The following A1CF variants were observed in gnomAD, a reference collection of about 807,000 sequenced individuals.
A1CF encodes the protein APOBEC1 complementation factor.
In A1CF, 48 loss-of-function variants were observed where a neutral mutation model predicts 68.9. That is an observed-to-expected ratio of 0.70 (90% confidence interval 0.55 to 0.89). A1CF has a LOEUF of 0.89. A1CF is among the 40% of genes least tolerant of loss of function. A1CF has a pLI of 0.00. For missense variants in A1CF, 653 were observed against 718.9 expected, an observed-to-expected ratio of 0.91 and a Z score of 1.05; for synonymous variants, 272 against 260.4, an observed-to-expected ratio of 1.04 and a Z score of -0.43.
At chr10:50,842,271 A>G (rs2132454089) in intron 4 of A1CF, among the ~76,000 whole-genome samples, 1 of 152,352 alleles carries the variant, frequency 6.6e-6, no homozygotes, top group South Asian at 2.1e-4. Context: ...TGGTAGGGCA[A>G]ATGACCTTTT....
intron 11 of A1CF, 106 bp downstream of exon 11, chr10:50,810,934 G>T (rs1309107491): frequency 2.4e-6 from 3 of 1,238,020 alleles, no homozygotes; most frequent in Non-Finnish European, 3.2e-6. Context: ...AATGACAAAT[G>T]AGTAGGTAGT....
chr10:50,853,280 T>C (rs1241201560), intron 3 of A1CF, among the ~76,000 whole-genome samples: 1 of 152,170 alleles, frequency 6.6e-6, no homozygotes, highest in Admixed American at 6.6e-5. Flanking sequence ...CTGCACTGTA[T>C]AAATATTTTG....
At chr10:50,838,609 T>C (rs933921443) in intron 5 of A1CF, among the ~76,000 whole-genome samples, 2 of 152,176 alleles carry the variant, frequency 1.3e-5, no homozygotes, top group African/African-American at 4.8e-5. Flanking sequence ...GGCCACAACT[T>C]TAATGTCTCT....
chr10:50,850,958 G>C (rs914664902), intron 3 of A1CF, among the ~76,000 whole-genome samples: 1 of 152,052 alleles, frequency 6.6e-6, no homozygotes, highest in Non-Finnish European at 1.5e-5. Context: ...TATTATGGCC[G>C]CTAGATCTGA....
At chr10:50,882,198 G>A (rs1169325576) in intron 1 of A1CF, among the ~76,000 whole-genome samples, 1 of 152,190 alleles carries the variant, frequency 6.6e-6, no homozygotes, top group Non-Finnish European at 1.5e-5. Context: ...AGCACTTTGG[G>A]AGGCTGAGGC....
intron 10 of A1CF, among the ~76,000 whole-genome samples, chr10:50,811,743 CTTTT>C (rs1257957389): frequency 6.6e-6 from 1 of 152,026 alleles, no homozygotes; most frequent in Non-Finnish European, 1.5e-5. Context: ...CTATTTCTGC[CTTTT>C]TTGTTTGTTT....
intron 12 of A1CF, 121 bp from the exon 13 acceptor site, chr10:50,807,001 A>C: frequency 9.8e-7 from 1 of 1,022,424 alleles, no homozygotes. Context: ...AAGTTAATAT[A>C]TATGTTTTAA....
intron 3 of A1CF, among the ~76,000 whole-genome samples, chr10:50,844,709 A>T (rs1839922469): frequency 6.6e-6 from 1 of 152,210 alleles, no homozygotes; most frequent in African/African-American, 2.4e-5. Flanking sequence ...TTGTGGAAAA[A>T]ACACAGTGAC....
intron 5 of A1CF, among the ~76,000 whole-genome samples, chr10:50,836,584 C>A (rs1355023564): frequency 1.3e-5 from 2 of 151,936 alleles, no homozygotes; most frequent in African/African-American, 2.4e-5. Flanking sequence ...TACATGTGCA[C>A]AACATGCAGG....
At chr10:50,842,465 G>T (rs957891057) in intron 4 of A1CF, among the ~76,000 whole-genome samples, 1 of 152,184 alleles carries the variant, frequency 6.6e-6, no homozygotes, top group Non-Finnish European at 1.5e-5. Context: ...ACAAAAATTA[G>T]CTGAGCGTGG....
intron 3 of A1CF, among the ~76,000 whole-genome samples, chr10:50,855,088 A>G (rs549547809): frequency 6.6e-6 from 1 of 151,948 alleles, no homozygotes; most frequent in Non-Finnish European, 1.5e-5. Flanking sequence ...GTGGAAGTGT[A>G]TATTTTTCTG....
intron 3 of A1CF, among the ~76,000 whole-genome samples, chr10:50,856,775 G>GTTA (rs923214647): frequency 1.3e-4 from 19 of 151,860 alleles, no homozygotes; most frequent in Non-Finnish European, 2.7e-4. Flanking sequence ...AATATTTTTT[G>GTTA]TTATTATTAT....
At chr10:50,823,337 G>A (rs1838764443) in intron 7 of A1CF, among the ~76,000 whole-genome samples, 1 of 152,126 alleles carries the variant, frequency 6.6e-6, no homozygotes, top group Non-Finnish European at 1.5e-5. Context: ...ATTTGGCAGA[G>A]GGTGAGTCCA....
In A1CF at chr10:50,802,790, A is replaced by G. The variant is rs1420517446; in HGVS notation, c.*3939T>C. 6.6e-6 allele frequency: 1 copy of G among 152,204 alleles called. No homozygotes were observed. Among genetic ancestry groups the G allele is most frequent in the Admixed American group, 6.5e-5 (1 of 15,276 alleles). 9.4% of individuals were successfully genotyped at this position (152,204 alleles called of 1,614,324 possible). A position where few individuals can be genotyped will look rare whatever the true frequency, so the allele number is the denominator to read the frequency against. The stretch of plus-strand genomic sequence containing the variant: ...GATTGCCCTTTATTCTACAAATGGC[A>G]CACCTAAGAACCTCCCTGTCTATGT... On this transcript the variant is annotated 3_prime_UTR_variant, in exon 13 of 13. Coordinates refer to ENST00000373997, the MANE Select transcript of A1CF (RefSeq NM_014576.4).
chr10:50,878,046 C>T (rs542775882), intron 1 of A1CF, among the ~76,000 whole-genome samples: 5 of 152,196 alleles, frequency 3.3e-5, no homozygotes, highest in Middle Eastern at 3.4e-3. Flanking sequence ...CGCTTGAACC[C>T]GGGAAGCGGA....
chr10:50,820,594 G>A lies in A1CF; in HGVS notation c.825C>T (p.Asn275=). ...TCATAGCCTCAACTGCATCTTCTCG[G>A]TTACTGAAGTGCACAAAAGCATAGT... is the stretch of plus-strand genomic sequence containing the variant. The part of the protein sequence containing the change: ...IRDYAFVHFS[N]REDAVEAMKA... The change falls in exon 8 of 13, where the codon AAC becomes AAT. Residue 275 remains asparagine (N), a synonymous_variant. Coordinates refer to ENST00000373997, the MANE Select transcript of A1CF (RefSeq NM_014576.4). 6.2e-7 allele frequency: 1 copy of A among 1,613,466 alleles called. No homozygotes were observed. The highest frequency in any genetic ancestry group is 8.5e-7 in the Non-Finnish European group (1 of 1,179,744).
At chr10:50,810,654 T>C (rs781177367) in intron 11 of A1CF, among the ~76,000 whole-genome samples, 3 of 152,170 alleles carry the variant, frequency 2.0e-5, no homozygotes, top group Admixed American at 6.5e-5. Context: ...GGCGCCTGCC[T>C]GTACCGGCTA....
At chr10:50,857,018 G>A (rs923183456) in intron 3 of A1CF, among the ~76,000 whole-genome samples, 2 of 151,980 alleles carry the variant, frequency 1.3e-5, no homozygotes, top group African/African-American at 4.8e-5. Flanking sequence ...TATCTCCATT[G>A]TTATTTGGGT....
intron 8 of A1CF, among the ~76,000 whole-genome samples, chr10:50,817,991 C>T (rs1382673340): frequency 1.3e-5 from 2 of 152,024 alleles, no homozygotes; most frequent in Admixed American, 6.6e-5. Context: ...AATAGGCTTC[C>T]CTTCCTGACT....
Sources: gnomAD v4.1 joint callset for allele counts (sites outside exome capture counted in the v4.1 genomes callset) on GRCh38, gnomAD v4.1.1 for gene constraint, MANE v1.5 for transcripts, NCBI Gene and HGNC (gene_info 2026-07-23, HGNC 2026-07-21) for gene names.